Variants in ZBTB16 observed in about 807,000 individuals in gnomAD.
The protein encoded by ZBTB16 is zinc finger and BTB domain containing 16, also known as zinc finger and BTB domain-containing protein 16.
ZBTB16 carries 8 observed loss-of-function variants against 56.8 expected under a neutral mutation model. The ratio of observed to expected loss-of-function variants is 0.14; its 90% confidence interval spans 0.08 to 0.25. ZBTB16 has a LOEUF of 0.25. Ranked by LOEUF, ZBTB16 falls within the 10% of genes least tolerant of loss-of-function variation. The probability of loss-of-function intolerance (pLI) is 1.00; values close to 1 mark genes in which losing one functional copy is unlikely to be tolerated. For missense variants in ZBTB16, 625 were observed against 903.0 expected, an observed-to-expected ratio of 0.69 and a Z score of 3.95; for synonymous variants, 363 against 368.5, an observed-to-expected ratio of 0.98 and a Z score of 0.17.
intron 3 of ZBTB16, among the ~76,000 whole-genome samples, chr11:114,182,889 T>G (rs2135048712): frequency 6.6e-6 from 1 of 152,356 alleles, no homozygotes. Context: ...TCTTATTGAT[T>G]AACAGATGAG....
chr11:114,159,421 T>G (rs1030368515), intron 3 of ZBTB16, among the ~76,000 whole-genome samples: 2 of 152,230 alleles, frequency 1.3e-5, no homozygotes, highest in African/African-American at 4.8e-5. Context: ...CGATGAGTCA[T>G]AGTAGTGTTT....
At position 114,247,346 on chromosome 11, in the gene ZBTB16, G is replaced by T. The variant is rs778496413; in HGVS notation, c.1773G>T (p.Thr591=). The change falls in exon 6 of 7, where the codon ACG becomes ACT. Residue 591 remains threonine (T), a synonymous_variant. Transcript: ENST00000335953. ...TCAGCCTCAAGCATCAGCTGGAGACGCACTATAGGGTGCACACAGGTACCG... is the reference window on the plus strand; with the variant it reads ...TCAGCCTCAAGCATCAGCTGGAGACTCACTATAGGGTGCACACAGGTACCG... ...KKFSLKHQLE[T]HYRVHTGEKP... The T allele has an allele frequency of 1.9e-6, 3 of 1,614,142 alleles. No homozygotes were observed. Among genetic ancestry groups the T allele is most frequent in the African/African-American group, 1.3e-5 (1 of 74,952 alleles).
intron 4 of ZBTB16, among the ~76,000 whole-genome samples, chr11:114,193,892 C>A (rs1000072112): frequency 1.3e-5 from 2 of 152,188 alleles, no homozygotes; most frequent in African/African-American, 4.8e-5. Flanking sequence ...ACAGATGAGA[C>A]CATGGAGGCC....
At chr11:114,203,109 A>G (rs1005306695) in intron 4 of ZBTB16, among the ~76,000 whole-genome samples, 1 of 152,222 alleles carries the variant, frequency 6.6e-6, no homozygotes, top group Non-Finnish European at 1.5e-5. Context: ...CATACCATGG[A>G]CTATAATTTG....
chr11:114,189,439 A>G (rs1418473270), intron 4 of ZBTB16: 3 of 152,204 alleles, frequency 2.0e-5, no homozygotes, highest in Admixed American at 2.0e-4. Flanking sequence ...TACAAGTGTT[A>G]TCAAAGATGT....
At chr11:114,222,282 T>C (rs962645263) in intron 4 of ZBTB16, among the ~76,000 whole-genome samples, 4 of 152,188 alleles carry the variant, frequency 2.6e-5, no homozygotes, top group African/African-American at 7.2e-5. Flanking sequence ...CCATGCTGTT[T>C]AATTCTCAGT....
chr11:114,132,380 C>CA (rs1431853979), intron 2 of ZBTB16, among the ~76,000 whole-genome samples: 1 of 152,192 alleles, frequency 6.6e-6, no homozygotes, highest in Non-Finnish European at 1.5e-5. Flanking sequence ...TCACAAAGGG[C>CA]AGCCATGCAG....
chr11:114,162,226 G>A lies in ZBTB16; in HGVS notation c.1366+5792G>A, dbSNP rs117909472. ...TGGATCTCTTAGGCTTTCCTCTGTC[G>A]CGGTTGGACGGAAGAAGAAAAGCAT... On this transcript the variant is annotated intron_variant, in intron 3 of 6. Transcript: ENST00000335953. Among the ~76,000 whole-genome samples the A allele has an allele frequency of 9.3e-3, 1,415 of 152,354 alleles. 11 individuals are homozygous for A. Among genetic ancestry groups the A allele is most frequent in the Non-Finnish European group, 0.016 (1,080 of 68,026 alleles).
At chr11:114,131,481 G>A (rs909343051) in intron 2 of ZBTB16, among the ~76,000 whole-genome samples, 1 of 152,226 alleles carries the variant, frequency 6.6e-6, no homozygotes, top group African/African-American at 2.4e-5. Context: ...ATTCATTGAC[G>A]TTTATTGTTC....
intron 4 of ZBTB16, among the ~76,000 whole-genome samples, chr11:114,225,165 T>TAAGGA (rs1040326537): frequency 6.6e-6 from 1 of 151,892 alleles, no homozygotes. Context: ...ATGAAAGAAG[T>TAAGGA]AAGGAAAGGA....
intron 4 of ZBTB16, among the ~76,000 whole-genome samples, chr11:114,215,240 A>G (rs552007): frequency 0.61 from 92,620 of 152,112 alleles, 28,519 homozygotes; most frequent in Middle Eastern, 0.73. Flanking sequence ...GTCTGGACCT[A>G]CACTGGCTGC....
At chr11:114,213,527 G>T (rs1338803086) in intron 4 of ZBTB16, among the ~76,000 whole-genome samples, 2 of 152,188 alleles carry the variant, frequency 1.3e-5, no homozygotes, top group African/African-American at 4.8e-5. Context: ...TTGCTCATGG[G>T]AGGAGACCCC....
chr11:114,089,826 A>G (rs965923129), intron 2 of ZBTB16, among the ~76,000 whole-genome samples: 2 of 152,186 alleles, frequency 1.3e-5, no homozygotes, highest in Non-Finnish European at 1.5e-5. Flanking sequence ...CCCCCTCTAG[A>G]CTTCGCAGGT....
At chr11:114,228,838 C>A (rs986737389) in intron 4 of ZBTB16, among the ~76,000 whole-genome samples, 3 of 152,234 alleles carry the variant, frequency 2.0e-5, no homozygotes, top group Admixed American at 6.5e-5. Flanking sequence ...CAGAAGGGAG[C>A]CATATGGTCC....
intron 2 of ZBTB16, among the ~76,000 whole-genome samples, chr11:114,108,396 C>T (rs1254673877): frequency 1.3e-5 from 2 of 152,216 alleles, no homozygotes; most frequent in Non-Finnish European, 2.9e-5. Flanking sequence ...GCTTCTATTA[C>T]TGCAGCAGTA....
At chr11:114,091,244 A>C (rs1940174146) in intron 2 of ZBTB16, among the ~76,000 whole-genome samples, 1 of 152,134 alleles carries the variant, frequency 6.6e-6, no homozygotes, top group Non-Finnish European at 1.5e-5. Flanking sequence ...GCTACTTGGG[A>C]GGCTGGGGCA....
intron 2 of ZBTB16, among the ~76,000 whole-genome samples, chr11:114,067,842 C>CA: frequency 6.6e-6 from 1 of 152,188 alleles, no homozygotes; most frequent in Non-Finnish European, 1.5e-5. Flanking sequence ...TGCGTGTGCT[C>CA]AGCCCTCACT....
intron 3 of ZBTB16, among the ~76,000 whole-genome samples, chr11:114,159,553 A>G (rs949041814): frequency 6.6e-6 from 1 of 152,054 alleles, no homozygotes; most frequent in Non-Finnish European, 1.5e-5. Flanking sequence ...AAATAGCACA[A>G]AGGGCTTAGT....
At position 114,235,706 on chromosome 11, in the gene ZBTB16, T is replaced by A. The variant is rs1182569744; in HGVS notation, c.1454-6461T>A. Among the ~76,000 whole-genome samples, 104 of 137,418 alleles carry A rather than the reference T, an allele frequency of 7.6e-4. 1 individual carries two copies. Among genetic ancestry groups the A allele is most frequent in the Admixed American group, 1.9e-3 (23 of 12,338 alleles). The allele number at this position is 137,418 out of a possible 152,430, so 90.2% of individuals were successfully genotyped here. On this transcript the variant is annotated intron_variant, in intron 4 of 6. Transcript: ENST00000335953. The stretch of plus-strand genomic sequence containing the variant: ...TCTTTCTTTCTTTTCTTTCTTTCTT[T>A]TCTTTCTTTCTTTTTCTTTCTTTCT...
Sources: gnomAD v4.1 joint callset for allele counts (sites outside exome capture counted in the v4.1 genomes callset) on GRCh38, gnomAD v4.1.1 for gene constraint, MANE v1.5 for transcripts, NCBI Gene and HGNC (gene_info 2026-07-23, HGNC 2026-07-21) for gene names.